The following RGS20 variants were observed in gnomAD, a reference collection of about 807,000 sequenced individuals.
RGS20 encodes regulator of G protein signaling 20.
A neutral mutation model predicts 33.6 loss-of-function variants in RGS20; 30 were observed. The ratio of observed to expected loss-of-function variants is 0.89; its 90% confidence interval spans 0.67 to 1.21. RGS20 has a LOEUF of 1.21. RGS20 is among the 50% of genes most tolerant of loss of function. The pLI is 0.00. For missense variants in RGS20, 472 were observed against 502.4 expected (o/e 0.94, Z 0.58); for synonymous variants, 208 against 197.9 (o/e 1.05, Z -0.43).
chr8:53,893,003 A>G (rs1812757834), intron 2 of RGS20, among the ~76,000 whole-genome samples: 1 of 152,214 alleles, frequency 6.6e-6, no homozygotes, highest in Admixed American at 6.5e-5. Flanking sequence ...AAGAATTTAG[A>G]TAAAATTTAG....
At position 53,879,426 on chromosome 8, in the gene RGS20, C is replaced by A; in HGVS notation, c.334C>A (p.Pro112Thr). The change falls in exon 2 of 6, where the codon CCG (proline) becomes ACG (threonine). Residue 112 changes from proline to threonine, a missense_variant. By Grantham distance (38) the Pro-to-Thr change is conservative. Coordinates refer to ENST00000297313, the MANE Select transcript of RGS20 (RefSeq NM_170587.4). Reference sequence around the variant, plus strand: ...CTTCTCCCCCCTGCTTCCCGCCCTGCCGGCCGCCCGGCTCTCGAGGGGGCA... The same window carrying A: ...CTTCTCCCCCCTGCTTCCCGCCCTGACGGCCGCCCGGCTCTCGAGGGGGCA... 1 of 1,606,580 alleles carries A rather than the reference C, an allele frequency of 6.2e-7. No homozygotes were observed. Among genetic ancestry groups the A allele is most frequent in the Non-Finnish European group, 8.5e-7 (1 of 1,177,254 alleles).
chr8:53,936,315 G>A (rs1320148951), intron 2 of RGS20, among the ~76,000 whole-genome samples: 3 of 152,158 alleles, frequency 2.0e-5, no homozygotes, highest in Admixed American at 2.0e-4. Context: ...AATTATCTCT[G>A]TTTGCAGATG....
intron 3 of RGS20, among the ~76,000 whole-genome samples, chr8:53,944,048 C>G (rs893759966): frequency 6.7e-6 from 1 of 149,822 alleles, no homozygotes; most frequent in Non-Finnish European, 1.5e-5. Context: ...AACAGTTGTG[C>G]TAAAAACAGG....
intron 2 of RGS20, chr8:53,880,966 G>A (rs757488212): frequency 8.8e-5 from 139 of 1,582,066 alleles, no homozygotes; most frequent in Non-Finnish European, 1.1e-4. Flanking sequence ...CGCCGACGTA[G>A]AGAGGGCAGC....
At chr8:53,905,756 C>G (rs541342598) in intron 2 of RGS20, among the ~76,000 whole-genome samples, 1 of 152,328 alleles carries the variant, frequency 6.6e-6, no homozygotes, top group Non-Finnish European at 1.5e-5. Context: ...TTCAGCAGGT[C>G]TGTTTTTCTA....
chr8:53,882,808 G>A (rs1812431918), intron 2 of RGS20, among the ~76,000 whole-genome samples: 1 of 152,136 alleles, frequency 6.6e-6, no homozygotes, highest in Admixed American at 6.5e-5. Flanking sequence ...ACCTGCACGC[G>A]GGCTCCTCAT....
At chr8:53,862,055 C>A (rs1044027938) in intron 1 of RGS20, among the ~76,000 whole-genome samples, 4 of 152,036 alleles carry the variant, frequency 2.6e-5, no homozygotes, top group Non-Finnish European at 5.9e-5. Context: ...GAACAGGAGG[C>A]AAAGGAGGGT....
intron 2 of RGS20, chr8:53,914,667 A>C (rs913289133): frequency 6.6e-6 from 1 of 152,090 alleles, no homozygotes; most frequent in Non-Finnish European, 1.5e-5. Flanking sequence ...ATAGCTTTTC[A>C]AGTCAATGTC....
chr8:53,952,170 C>T (rs1237278314), intron 4 of RGS20, among the ~76,000 whole-genome samples: 9 of 139,596 alleles, frequency 6.4e-5, no homozygotes, highest in African/African-American at 1.3e-4. Context: ...ATCTGCCTCC[C>T]GGGTTCAAGT....
intron 2 of RGS20, among the ~76,000 whole-genome samples, chr8:53,882,755 C>T (rs1812429193): frequency 1.3e-5 from 2 of 152,176 alleles, no homozygotes. Context: ...TTGGTGCCCT[C>T]GGTGCCAGCA....
chr8:53,926,818 C>T (rs568157897), intron 2 of RGS20, among the ~76,000 whole-genome samples: 2 of 152,166 alleles, frequency 1.3e-5, no homozygotes, highest in South Asian at 2.1e-4. Flanking sequence ...GAGGCTGAGG[C>T]AGGAGAATCG....
intron 2 of RGS20, among the ~76,000 whole-genome samples, chr8:53,891,772 A>C (rs1270961416): frequency 6.6e-6 from 1 of 152,124 alleles, no homozygotes; most frequent in Non-Finnish European, 1.5e-5. Context: ...GTAAAATGTA[A>C]TACATGTTTT....
At chr8:53,854,959 T>C (rs1390165876) in intron 1 of RGS20, among the ~76,000 whole-genome samples, 1 of 152,192 alleles carries the variant, frequency 6.6e-6, no homozygotes, top group Non-Finnish European at 1.5e-5. Flanking sequence ...GAACTACTAA[T>C]ACACGAAACA....
intron 2 of RGS20, among the ~76,000 whole-genome samples, chr8:53,893,228 T>C (rs1002641791): frequency 6.6e-6 from 1 of 152,180 alleles, no homozygotes; most frequent in African/African-American, 2.4e-5. Flanking sequence ...TAACATTATC[T>C]CCATGAATGA....
chr8:53,879,045 T>C (rs572753899), intron 1 of RGS20, among the ~76,000 whole-genome samples: 75 of 152,218 alleles, frequency 4.9e-4, no homozygotes, highest in African/African-American at 1.6e-3. Flanking sequence ...GCGAAGCTGC[T>C]GGCCTACGGA....
At chr8:53,899,354 G>C (rs922222978) in intron 2 of RGS20, among the ~76,000 whole-genome samples, 1 of 152,144 alleles carries the variant, frequency 6.6e-6, no homozygotes, top group Non-Finnish European at 1.5e-5. Context: ...TATGTCAGGC[G>C]AACAAGTTAG....
intron 1 of RGS20, among the ~76,000 whole-genome samples, chr8:53,875,950 C>T (rs1375171857): frequency 6.6e-6 from 1 of 152,190 alleles, no homozygotes; most frequent in Non-Finnish European, 1.5e-5. Flanking sequence ...ACCTTTCAAT[C>T]TGCATAATTT....
chr8:53,886,222 CAAGAGTT>C (rs1258223127), intron 2 of RGS20, among the ~76,000 whole-genome samples: 1 of 152,144 alleles, frequency 6.6e-6, no homozygotes, highest in East Asian at 1.9e-4. Flanking sequence ...GCAGCTAGCT[CAAGAGTT>C]AAGGCGACGC....
chr8:53,895,546 T>G (rs1159010239), intron 2 of RGS20, among the ~76,000 whole-genome samples: 1 of 152,208 alleles, frequency 6.6e-6, no homozygotes, highest in East Asian at 1.9e-4. Context: ...ATGAAGAATT[T>G]CTGTTTATGA....
Sources: allele counts gnomAD v4.1 joint callset (sites outside exome capture counted in the v4.1 genomes callset), GRCh38; gene constraint gnomAD v4.1.1; transcripts MANE v1.5; gene names NCBI Gene and HGNC (gene_info 2026-07-23, HGNC 2026-07-21).